The following GALNT13 variants were observed in gnomAD, a reference collection of about 807,000 sequenced individuals.
GALNT13 encodes the protein UDP-GalNAc:polypeptide N-acetylgalactosaminyltransferase 13.
GALNT13 carries 28 observed loss-of-function variants against 64.2 expected under a neutral mutation model. The ratio of observed to expected loss-of-function variants is 0.44; its 90% CI spans 0.32 to 0.60. The LOEUF is 0.60. Ranked by LOEUF, GALNT13 falls within the 20% of genes least tolerant of loss-of-function variation. GALNT13 has a pLI of 0.05. For missense variants in GALNT13, 577 were observed against 669.8 expected (o/e 0.86, Z 1.53); for synonymous variants, 214 against 224.6 (o/e 0.95, Z 0.42).
the GALNT13 span, among the ~76,000 whole-genome samples, chr2:153,289,017 G>C: frequency 6.6e-6 from 1 of 152,124 alleles, no homozygotes; most frequent in African/African-American, 2.4e-5. Flanking sequence ...AATTTCTGGG[G>C]TATTGCTGAA....
At chr2:153,505,528 C>G in the GALNT13 span, among the ~76,000 whole-genome samples, 17,674 of 151,982 alleles carry the variant, frequency 0.12, 1,082 homozygotes, top group Middle Eastern at 0.17. Context: ...CTCTTAGCAC[C>G]ACTATTGCTG....
chr2:153,448,627 T>A, the GALNT13 span, among the ~76,000 whole-genome samples: 2 of 152,324 alleles, frequency 1.3e-5, no homozygotes, highest in South Asian at 4.1e-4. Context: ...CTGTTCTTTT[T>A]TTTTCTCCAG....
At position 154,453,075 on chromosome 2, in the gene GALNT13, T is replaced by C. The variant is rs1330648195; in HGVS notation, c.*2524T>C. 2 of 152,156 alleles carry C rather than the reference T, an allele frequency of 1.3e-5. No homozygotes were observed. The highest frequency in any genetic ancestry group is 2.9e-5 in the Non-Finnish European group (2 of 68,036). The allele number at this position is 152,156 out of a possible 1,614,324, so 9.4% of individuals were successfully genotyped here. A position where few individuals can be genotyped will look rare whatever the true frequency, so the allele number is the denominator to read the frequency against. ...CTTGATGCTACCTTTGAAATATAAC[T>C]AGAAAAGAATGACTTGCCACCATAT... On this transcript the variant is annotated 3_prime_UTR_variant, in exon 13 of 13. Transcript: ENST00000392825.
At chr2:154,234,669 A>G (rs947257618) in intron 4 of GALNT13, among the ~76,000 whole-genome samples, 1 of 152,160 alleles carries the variant, frequency 6.6e-6, no homozygotes, top group African/African-American at 2.4e-5. Flanking sequence ...TTAAAAAGGT[A>G]TTTCTACACT....
intron 3 of GALNT13, among the ~76,000 whole-genome samples, chr2:154,021,414 C>T (rs1238884365): frequency 6.6e-6 from 1 of 152,142 alleles, no homozygotes; most frequent in Admixed American, 6.5e-5. Flanking sequence ...AGAGGTCCTT[C>T]ACATCCCTTG....
At chr2:153,649,543 T>A in the GALNT13 span, among the ~76,000 whole-genome samples, 1 of 148,644 alleles carries the variant, frequency 6.7e-6, no homozygotes, top group Non-Finnish European at 1.5e-5. Flanking sequence ...TCTAGTTCTT[T>A]TAATTGTGAT....
At chr2:153,533,968 G>A in the GALNT13 span, among the ~76,000 whole-genome samples, 1 of 150,900 alleles carries the variant, frequency 6.6e-6, no homozygotes, top group African/African-American at 2.4e-5. Flanking sequence ...GAACTCCTGG[G>A]CTCAAGCTAT....
chr2:153,952,027 G>A (rs1027740356), intron 3 of GALNT13, among the ~76,000 whole-genome samples: 2 of 152,058 alleles, frequency 1.3e-5, no homozygotes, highest in African/African-American at 2.4e-5. Flanking sequence ...GGCAACATAA[G>A]TACTTGTTAG....
intron 4 of GALNT13, among the ~76,000 whole-genome samples, chr2:154,175,322 A>G (rs1335246184): frequency 2.0e-5 from 3 of 152,188 alleles, no homozygotes; most frequent in Non-Finnish European, 4.4e-5. Context: ...ACTGTGATCA[A>G]ATCAATTTAT....
At chr2:153,943,523 T>C (rs905253589) in intron 2 of GALNT13, among the ~76,000 whole-genome samples, 1 of 152,018 alleles carries the variant, frequency 6.6e-6, no homozygotes, top group Admixed American at 6.6e-5. Context: ...AGACAGAGTT[T>C]TGCTCTTGTC....
chr2:154,182,075 C>T (rs1348122933), intron 4 of GALNT13, among the ~76,000 whole-genome samples: 2 of 152,070 alleles, frequency 1.3e-5, no homozygotes, highest in South Asian at 2.1e-4. Context: ...ATTATATATG[C>T]GTTGACTATT....
At chr2:153,069,871 G>A in the GALNT13 span, among the ~76,000 whole-genome samples, 2 of 152,100 alleles carry the variant, frequency 1.3e-5, no homozygotes, top group Non-Finnish European at 2.9e-5. Flanking sequence ...ATAACCTGGG[G>A]TGAGAGATGA....
At chr2:153,992,254 T>G (rs1695205414) in intron 3 of GALNT13, among the ~76,000 whole-genome samples, 1 of 152,192 alleles carries the variant, frequency 6.6e-6, no homozygotes, top group Admixed American at 6.5e-5. Context: ...CAATGGTAAT[T>G]AATAGTTGTG....
At chr2:153,195,191 A>C in the GALNT13 span, among the ~76,000 whole-genome samples, 51 of 152,028 alleles carry the variant, frequency 3.4e-4, no homozygotes, top group Non-Finnish European at 6.8e-4. Context: ...TTGTGGTGAT[A>C]GTGTTACGGG....
the GALNT13 span, among the ~76,000 whole-genome samples, chr2:153,483,331 C>T: frequency 6.6e-6 from 1 of 151,486 alleles, no homozygotes; most frequent in South Asian, 2.1e-4. Flanking sequence ...CCCAAACGTC[C>T]ATCAACAAAT....
At chr2:153,136,737 A>G in the GALNT13 span, among the ~76,000 whole-genome samples, 1 of 152,040 alleles carries the variant, frequency 6.6e-6, no homozygotes, top group African/African-American at 2.4e-5. Context: ...TACTACATGT[A>G]TTTTTGGCTG....
chr2:154,413,852 T>C (rs2105404377), intron 11 of GALNT13, among the ~76,000 whole-genome samples: 1 of 152,222 alleles, frequency 6.6e-6, no homozygotes, highest in South Asian at 2.1e-4. Flanking sequence ...TTCATTGTTT[T>C]ATTGTTTAAC....
chr2:153,315,600 G>C, the GALNT13 span, among the ~76,000 whole-genome samples: 1 of 152,116 alleles, frequency 6.6e-6, no homozygotes, highest in Non-Finnish European at 1.5e-5. Context: ...AAAGATTTTA[G>C]CCATCATTCC....
At chr2:153,134,704 T>C in the GALNT13 span, among the ~76,000 whole-genome samples, 2 of 152,136 alleles carry the variant, frequency 1.3e-5, no homozygotes, top group Non-Finnish European at 2.9e-5. Context: ...CCTAGGCCTA[T>C]GCTTCAATAT....
Sources: allele counts gnomAD v4.1 joint callset (sites outside exome capture counted in the v4.1 genomes callset), GRCh38; gene constraint gnomAD v4.1.1; transcripts MANE v1.5; gene names NCBI Gene and HGNC (gene_info 2026-07-23, HGNC 2026-07-21).